ABL1: variants seen among roughly 807,000 people sequenced by gnomAD.
ABL1 encodes the protein ABL proto-oncogene 1, non-receptor tyrosine kinase, also known as tyrosine-protein kinase ABL1.
In ABL1, 11 loss-of-function variants were observed where a neutral mutation model predicts 94.7. That is an observed-to-expected ratio of 0.12 (90% CI 0.07 to 0.19). ABL1 has a LOEUF of 0.19. Ranked by LOEUF, ABL1 falls within the 10% of genes least tolerant of loss-of-function variation. The probability of loss-of-function intolerance (pLI) is 1.00; values close to 1 mark genes in which losing one functional copy is unlikely to be tolerated. For missense variants in ABL1, 1,082 were observed against 1,489.4 expected, an observed-to-expected ratio of 0.73 and a Z score of 4.50; for synonymous variants, 656 against 622.4, an observed-to-expected ratio of 1.05 and a Z score of -0.80.
At chr9:130,817,589 T>A (rs1175589697) in intron 1 of ABL1, among the ~76,000 whole-genome samples, 1 of 152,230 alleles carries the variant, frequency 6.6e-6, no homozygotes, top group African/African-American at 2.4e-5. Context: ...AGGTTGTAAA[T>A]GACCCTGTCT....
chr9:130,791,514 C>T (rs537847562), intron 1 of ABL1, among the ~76,000 whole-genome samples: 2 of 151,986 alleles, frequency 1.3e-5, no homozygotes, highest in South Asian at 2.1e-4. Flanking sequence ...CCACCCTCAA[C>T]GTGGGTGGGC....
intron 1 of ABL1, among the ~76,000 whole-genome samples, chr9:130,722,512 C>T (rs568788172): frequency 4.6e-5 from 7 of 152,094 alleles, no homozygotes; most frequent in African/African-American, 1.7e-4. Flanking sequence ...ATTTTAGAGA[C>T]AGGGTCTTGC....
chr9:130,862,715 G>T lies in ABL1; in HGVS notation c.550-48G>T. On this transcript the variant is annotated intron_variant, in intron 3 of 10. Coordinates refer to ENST00000318560, the MANE Select transcript of ABL1 (RefSeq NM_005157.6). The surrounding 1 kb of genome is among the most constrained non-coding windows in gnomAD (Gnocchi z 5.5). Reference sequence around the variant, plus strand: ...CCAAACTGGCTCACGTGAGCTCTTTGAGCTTGCCTGTCTCTGTGGGCTGAA... The same window carrying T: ...CCAAACTGGCTCACGTGAGCTCTTTTAGCTTGCCTGTCTCTGTGGGCTGAA... 6.3e-7 allele frequency: 1 copy of T among 1,589,868 alleles called. No individual in the cohort carries two copies. The highest frequency in any genetic ancestry group is 8.6e-7 in the Non-Finnish European group (1 of 1,169,094).
rs570391863 is a variant in ABL1, at chr9:130,742,393, C to T, written c.136+27938C>T. 7.2e-4 allele frequency among the ~76,000 whole-genome samples: 110 copies of T among 152,250 alleles called. 1 individual carries two copies. The highest frequency in any genetic ancestry group is 1.2e-3 in the Non-Finnish European group (84 of 68,024). ...AAGTTGAGACCCATTTCAACAAAAG[C>T]ACTTCCACCTCTCCTGAAGTGCATT... On this transcript the variant is annotated intron_variant, in intron 1 of 10. Coordinates refer to the ABL1 transcript ENST00000372348.
At chr9:130,720,030 C>T (rs1384256714) in intron 1 of ABL1, among the ~76,000 whole-genome samples, 1 of 152,178 alleles carries the variant, frequency 6.6e-6, no homozygotes, top group Non-Finnish European at 1.5e-5. Context: ...AGAGTTGGTA[C>T]AACAATTGAA....
upstream of ABL1, chr9:130,835,055 G>T (rs923001750): frequency 3.1e-6 from 1 of 324,734 alleles, no homozygotes; most frequent in South Asian, 2.2e-5. The surrounding 1 kb of genome is among the most constrained non-coding windows in gnomAD (Gnocchi z 4.6). Context: ...AGACCTCCGC[G>T]GGCCGCGCGC....
intron 1 of ABL1, among the ~76,000 whole-genome samples, chr9:130,823,583 G>A (rs1433846554): frequency 6.6e-6 from 1 of 152,094 alleles, no homozygotes; most frequent in Non-Finnish European, 1.5e-5. Context: ...TCTACCTCAG[G>A]ATCCAAAATG....
Position 130,862,166 on chromosome 9 carries a change from A to G in ABL1, c.550-597A>G, listed in dbSNP as rs1387903096. ...GAATTCTTCGCTTTTCCTACCAGCA[A>G]CTACCCACCAAGTTCTACCATGTGT... On this transcript the variant is annotated intron_variant, in intron 3 of 10. Coordinates refer to ENST00000318560, the MANE Select transcript of ABL1 (RefSeq NM_005157.6). This position sits in a 1 kb window ranked among gnomAD's most constrained non-coding sequence, Gnocchi z 5.5. Among the ~76,000 whole-genome samples, 3 of 152,212 alleles carry G rather than the reference A, an allele frequency of 2.0e-5. No homozygotes were observed. The highest frequency in any genetic ancestry group is 2.9e-5 in the Non-Finnish European group (2 of 68,032).
At chr9:130,839,235 C>A (rs946090157) in intron 1 of ABL1, among the ~76,000 whole-genome samples, 2 of 152,038 alleles carry the variant, frequency 1.3e-5, no homozygotes, top group African/African-American at 4.8e-5. Flanking sequence ...CCTGAACTTT[C>A]GAAATTTATT....
intron 1 of ABL1, among the ~76,000 whole-genome samples, chr9:130,823,629 G>A (rs920857345): frequency 1.3e-5 from 2 of 152,158 alleles, no homozygotes; most frequent in Admixed American, 1.3e-4. Context: ...ACAGGCAGTG[G>A]ACACCAGAAA....
At chr9:130,845,863 AAAAAAAAAATTCATCCACAGG>A (rs1830761020) in intron 1 of ABL1, among the ~76,000 whole-genome samples, 1 of 151,962 alleles carries the variant, frequency 6.6e-6, no homozygotes, top group African/African-American at 2.4e-5. Context: ...TCTATCTAAA[AAAAAAAAAATTCATCCACAGG>A]ACAGCGCTGG....
rs778851184 is a variant in ABL1 at position 130,885,123 on chromosome 9, G to A, written c.2833G>A (p.Ala945Thr). 10 of 1,612,404 alleles carry A rather than the reference G, an allele frequency of 6.2e-6. No individual in the cohort carries two copies. Among genetic ancestry groups the A allele is most frequent in the South Asian group, 3.3e-5 (3 of 91,014 alleles). ...TSLVDAVNSDAAKPSQPGEGL... is the reference protein window; with the variant it reads ...TSLVDAVNSDTAKPSQPGEGL... ...TCTGGTTGATGCTGTGAACAGTGACGCTGCCAAGCCCAGCCAGCCGGGAGA... is the reference window on the plus strand; with the variant it reads ...TCTGGTTGATGCTGTGAACAGTGACACTGCCAAGCCCAGCCAGCCGGGAGA... Residue 945 changes from alanine to threonine, a missense_variant, in exon 11 of 11, where the codon GCT becomes ACT. Physicochemically the swap from Ala to Thr is moderately conservative, Grantham distance 58. This residue lies in a region of ABL1 where 780 missense variants were observed against 835.8 expected (regional missense o/e 0.93). Transcript: ENST00000318560.
At chr9:130,805,066 T>G (rs1019493142) in intron 1 of ABL1, among the ~76,000 whole-genome samples, 1 of 152,210 alleles carries the variant, frequency 6.6e-6, no homozygotes, top group African/African-American at 2.4e-5. Flanking sequence ...AACAACATTT[T>G]CTTTTCTGTT....
At chr9:130,761,954 C>T (rs957056603) in intron 1 of ABL1, among the ~76,000 whole-genome samples, 1 of 151,970 alleles carries the variant, frequency 6.6e-6, no homozygotes, top group Non-Finnish European at 1.5e-5. Context: ...ACCAGCCTGA[C>T]GAACGTGGGG....
intron 1 of ABL1, 92 bp from the exon 2 acceptor site, chr9:130,853,970 AAC>A (rs1432130413): frequency 4.6e-6 from 6 of 1,314,036 alleles, no homozygotes; most frequent in African/African-American, 4.4e-5. Flanking sequence ...TAATGTTGGA[AAC>A]ACAAATATTT....
intron 1 of ABL1, among the ~76,000 whole-genome samples, chr9:130,851,966 A>G (rs1268725282): frequency 1.3e-5 from 2 of 151,588 alleles, no homozygotes; most frequent in Non-Finnish European, 2.9e-5. Context: ...TTTAGTAGAG[A>G]TGGGGTTTTG....
intron 1 of ABL1, among the ~76,000 whole-genome samples, chr9:130,825,469 C>G (rs575423424): frequency 6.6e-6 from 1 of 152,286 alleles, no homozygotes; most frequent in South Asian, 2.1e-4. Context: ...ATAACCAGGG[C>G]TTGGGCTTTT....
In ABL1 at chr9:130,859,524, C is replaced by T. The variant is rs188151548; in HGVS notation, c.550-3239C>T. On this transcript the variant is annotated intron_variant, in intron 3 of 10. Transcript: ENST00000318560. ...TTCCTGCTGGTGTGTGAGCAGCTCTCGGGGGAACTTGCTTCCTGGCTGAGC... is the reference window on the plus strand; with the variant it reads ...TTCCTGCTGGTGTGTGAGCAGCTCTTGGGGGAACTTGCTTCCTGGCTGAGC... Among the ~76,000 whole-genome samples, 25 of 151,844 alleles carry T rather than the reference C, an allele frequency of 1.6e-4. 2 individuals carry two copies. The highest frequency in any genetic ancestry group is 1.1e-3 in the Admixed American group (17 of 15,258).
intron 1 of ABL1, among the ~76,000 whole-genome samples, chr9:130,816,533 T>C (rs1303567629): frequency 1.5e-5 from 2 of 129,168 alleles, no homozygotes; most frequent in East Asian, 4.1e-4. Context: ...CCCATTCCTC[T>C]TTTTTTTTTT....
Sources: allele counts gnomAD v4.1 joint callset (sites outside exome capture counted in the v4.1 genomes callset), GRCh38; gene constraint gnomAD v4.1.1; regional missense constraint gnomAD v4.1.1; non-coding constraint Gnocchi (gnomAD v3.1); transcripts MANE v1.5; gene names NCBI Gene and HGNC (gene_info 2026-07-23, HGNC 2026-07-21).